CUX1: variants seen among roughly 807,000 people sequenced by gnomAD.
CUX1 encodes cut like homeobox 1.
CUX1 carries 31 observed loss-of-function variants against 158.8 expected under a neutral mutation model. That is an observed-to-expected ratio of 0.20 (90% CI 0.15 to 0.26). The LOEUF (loss-of-function observed/expected upper bound fraction) is 0.26, where lower values mean the gene tolerates loss of function less well. CUX1 is among the 10% of genes least tolerant of loss of function. CUX1 has a pLI of 1.00. For synonymous variants in CUX1, 879 were observed against 862.1 expected, an observed-to-expected ratio of 1.02 and a Z score of -0.34; for missense variants, 1,589 against 2,014.6, an observed-to-expected ratio of 0.79 and a Z score of 4.04.
chr7:101,943,078 C>CTTTTTTTTTTTTTTTTTTTTTTTTTTT (rs58332486), intron 2 of CUX1, among the ~76,000 whole-genome samples: 3 of 80,326 alleles, frequency 3.7e-5, no homozygotes, highest in Admixed American at 1.5e-4. Flanking sequence ...CTGGTCAGTG[C>CTTTTTTTTTTTTTTTTTTTTTTTTTTT]TTTTTTTTTT....
At chr7:101,958,844 C>CCT (rs1810094403) in intron 2 of CUX1, among the ~76,000 whole-genome samples, 1 of 65,822 alleles carries the variant, frequency 1.5e-5, no homozygotes, top group Non-Finnish European at 2.7e-5. Flanking sequence ...AGATGATGCC[C>CCT]TTTTTTTTTT....
rs1472305624 is a variant in CUX1, at chr7:102,250,052, GAAAAAAAAAGAAAAAAAA to G, written c.*1015_*1032del. The G allele has an allele frequency of 2.2e-6, 2 of 918,458 alleles. No homozygotes were observed. Among genetic ancestry groups the G allele is most frequent in the East Asian group, 2.8e-4 (2 of 7,094 alleles). 56.9% of individuals were successfully genotyped at this position (918,458 alleles called of 1,614,324 possible). A position where few individuals can be genotyped will look rare whatever the true frequency, so the allele number is the denominator to read the frequency against. ...CTAGGCCAAATCAGGACAAAAAAAA[GAAAAAAAAAGAAAAAAAA>G]AAAAGAAAAGATCCGAATCTAGGTA... On this transcript the variant is annotated 3_prime_UTR_variant, in exon 24 of 24. Coordinates refer to ENST00000292535, the MANE Select transcript of CUX1 (RefSeq NM_181552.4).
intron 9 of CUX1, 148 bp downstream of exon 9, chr7:102,158,756 A>C (rs182262166): frequency 1.5e-5 from 11 of 722,350 alleles, no homozygotes; most frequent in Middle Eastern, 2.4e-4. Flanking sequence ...TTCTGTTGTC[A>C]TGAGAAGTAG....
chr7:101,916,023 T>C lies in CUX1; in HGVS notation c.31-92T>C, dbSNP rs529569770. On this transcript the variant is annotated intron_variant, in intron 1 of 23. Transcript: ENST00000292535. The surrounding 1 kb of genome is among the most constrained non-coding windows in gnomAD (Gnocchi z 4.4). ...TGTTCCTTAGAGCCACTGGGGTCTC[T>C]CCCCCAGTGTTCTGGTCAAATGCAA... 8 of 858,686 alleles carry C rather than the reference T, an allele frequency of 9.3e-6. No homozygotes were observed. In the East Asian group the frequency reaches 1.8e-4, roughly 19 times the overall value. The allele number at this position is 858,686 out of a possible 1,614,324, so 53.2% of individuals were successfully genotyped here. A position where few individuals can be genotyped will look rare whatever the true frequency, so the allele number is the denominator to read the frequency against.
At position 102,254,171 on chromosome 7, in the gene CUX1, T is replaced by C; in HGVS notation, c.*5129T>C. On this transcript the variant is annotated 3_prime_UTR_variant, in exon 24 of 24. Transcript: ENST00000292535. ...CTGTTCCCAAAGCTCCAGCAGCTGT[T>C]TCTTTTGCAGGCAGGGCGTGGTCTC... 1 of 985,562 alleles carries C rather than the reference T, an allele frequency of 1.0e-6. No individual in the cohort carries two copies. The highest frequency in any genetic ancestry group is 1.2e-6 in the Non-Finnish European group (1 of 830,060). 61.1% of individuals were successfully genotyped at this position (985,562 alleles called of 1,614,324 possible). A position where few individuals can be genotyped will look rare whatever the true frequency, so the allele number is the denominator to read the frequency against.
intron 4 of CUX1, among the ~76,000 whole-genome samples, chr7:102,085,692 C>T (rs144827350): frequency 1.7e-4 from 26 of 152,264 alleles, no homozygotes; most frequent in Non-Finnish European, 3.5e-4. Context: ...AGTATGAGAG[C>T]AGACTAATAC....
At chr7:102,117,680 G>C (rs1269409531) in intron 8 of CUX1, among the ~76,000 whole-genome samples, 1 of 152,210 alleles carries the variant, frequency 6.6e-6, no homozygotes, top group Non-Finnish European at 1.5e-5. Context: ...CATCAGGGGA[G>C]CGCAGGGAAA....
intron 2 of CUX1, among the ~76,000 whole-genome samples, chr7:101,968,039 G>C (rs1237996121): frequency 6.6e-6 from 1 of 152,018 alleles, no homozygotes; most frequent in African/African-American, 2.4e-5. Context: ...CAAGTAGCTG[G>C]GACTATAGGT....
In CUX1 at chr7:102,081,027, C is replaced by T. The variant is rs190466972; in HGVS notation, c.268+10610C>T. On this transcript the variant is annotated intron_variant, in intron 4 of 23. Transcript: ENST00000292535. ...TGACCGATACCTTCTGGTTTCTGGCCACTTCGCTACTCCCCATCACAGCAG... is the reference window on the plus strand; with the variant it reads ...TGACCGATACCTTCTGGTTTCTGGCTACTTCGCTACTCCCCATCACAGCAG... 1.6e-4 allele frequency among the ~76,000 whole-genome samples: 24 copies of T among 152,200 alleles called. No homozygotes were observed. The East Asian group carries it at 4.4e-3, about 28-fold the overall frequency.
chr7:102,006,842 G>T (rs1011640864), intron 2 of CUX1, among the ~76,000 whole-genome samples: 1 of 152,246 alleles, frequency 6.6e-6, no homozygotes, highest in African/African-American at 2.4e-5. Flanking sequence ...GCAAGGGGCT[G>T]CTCCATGCTG....
rs550510447 is a variant in CUX1 at position 102,253,232 on chromosome 7, T to C, written c.*4190T>C. ...GTGCAGCAGAGCTCTGGGTTAAATA[T>C]TCCTTTCTGGCCACCGCCCAAGCCC... is the stretch of plus-strand genomic sequence containing the variant. On this transcript the variant is annotated 3_prime_UTR_variant, in exon 24 of 24. Coordinates refer to ENST00000292535, the MANE Select transcript of CUX1 (RefSeq NM_181552.4). The C allele has an allele frequency of 2.0e-6, 2 of 985,492 alleles. No individual in the cohort carries two copies. Among genetic ancestry groups the C allele is most frequent in the East Asian group, 1.1e-4 (1 of 8,808 alleles). The allele number at this position is 985,492 out of a possible 1,614,324, so 61.0% of individuals were successfully genotyped here. A position where few individuals can be genotyped will look rare whatever the true frequency, so the allele number is the denominator to read the frequency against.
chr7:101,882,377 G>C (rs765580028), intron 1 of CUX1, among the ~76,000 whole-genome samples: 1 of 152,158 alleles, frequency 6.6e-6, no homozygotes, highest in Non-Finnish European at 1.5e-5. Context: ...ACTTGGCTTA[G>C]CCTAGTTGGC....
At chr7:102,026,799 A>ACT (rs1820076729) in intron 2 of CUX1, among the ~76,000 whole-genome samples, 1 of 140,138 alleles carries the variant, frequency 7.1e-6, no homozygotes, top group African/African-American at 2.7e-5. Context: ...CAGCCTAGGC[A>ACT]ACAGTGAGAC....
rs78359248 is a variant in CUX1, at chr7:102,201,025, TAAAAA to T, written c.2063-310_2063-306del. Reference sequence around the variant, plus strand: ...CTGGACAACAGCGAGATCCTGTCGCTAAAAAAAAAAAAAAAAAAAAAAAAAAAAAT... The same window carrying T: ...CTGGACAACAGCGAGATCCTGTCGCTAAAAAAAAAAAAAAAAAAAAAAAAT... On this transcript the variant is annotated intron_variant, in intron 17 of 23. Transcript: ENST00000292535. This position sits in a 1 kb window ranked among gnomAD's most constrained non-coding sequence, Gnocchi z 5.0. 1.7e-4 allele frequency among the ~76,000 whole-genome samples: 7 copies of T among 42,140 alleles called. No individual in the cohort carries two copies. Among genetic ancestry groups the T allele is most frequent in the Non-Finnish European group, 2.5e-4 (6 of 24,454 alleles). 27.6% of individuals were successfully genotyped at this position (42,140 alleles called of 152,430 possible).
rs1789643651 is a variant in CUX1, at chr7:102,254,272, C to T, written c.*5230C>T. On this transcript the variant is annotated 3_prime_UTR_variant, in exon 24 of 24. Coordinates refer to ENST00000292535, the MANE Select transcript of CUX1 (RefSeq NM_181552.4). Reference sequence around the variant, plus strand: ...GCTCAGCTGTTAAGATCCATCATGGCCATTATCCTTGTCCCGGACTGCCCC... The same window carrying T: ...GCTCAGCTGTTAAGATCCATCATGGTCATTATCCTTGTCCCGGACTGCCCC... 2.0e-6 allele frequency: 2 copies of T among 985,350 alleles called. No homozygotes were observed. Among genetic ancestry groups the T allele is most frequent in the African/African-American group, 3.5e-5 (2 of 57,228 alleles). 61.0% of individuals were successfully genotyped at this position (985,350 alleles called of 1,614,324 possible). A position where few individuals can be genotyped will look rare whatever the true frequency, so the allele number is the denominator to read the frequency against.
At chr7:101,833,625 G>A (rs532408918) in intron 1 of CUX1, among the ~76,000 whole-genome samples, 11 of 149,568 alleles carry the variant, frequency 7.4e-5, no homozygotes, top group Admixed American at 2.0e-4. Context: ...GAGAAAGTGC[G>A]ACAGTCACCT....
At chr7:102,016,887 G>C (rs1329963603) in intron 2 of CUX1, among the ~76,000 whole-genome samples, 1 of 152,216 alleles carries the variant, frequency 6.6e-6, no homozygotes. Context: ...TGGAATAAAT[G>C]ACACAGTGGC....
intron 1 of CUX1, among the ~76,000 whole-genome samples, chr7:101,861,652 C>T (rs1227773527): frequency 6.6e-6 from 1 of 152,082 alleles, no homozygotes; most frequent in Non-Finnish European, 1.5e-5. Flanking sequence ...CCTGACCAGT[C>T]CTGATTTGGT....
At chr7:102,031,748 G>A (rs1820817027) in intron 3 of CUX1, among the ~76,000 whole-genome samples, 2 of 152,068 alleles carry the variant, frequency 1.3e-5, no homozygotes, top group South Asian at 4.1e-4. Flanking sequence ...ATTAACATAT[G>A]CATCGTCTCC....
Sources: allele counts gnomAD v4.1 joint callset (sites outside exome capture counted in the v4.1 genomes callset), GRCh38; gene constraint gnomAD v4.1.1; non-coding constraint Gnocchi (gnomAD v3.1); transcripts MANE v1.5; gene names NCBI Gene and HGNC (gene_info 2026-07-23, HGNC 2026-07-21).